Variants in GREB1L observed in about 807,000 individuals in gnomAD.
GREB1L encodes the protein GREB1-like protein.
GREB1L carries 17 observed loss-of-function variants against 200.8 expected under a neutral mutation model. The ratio of observed to expected loss-of-function variants is 0.08; its 90% confidence interval spans 0.06 to 0.13. The LOEUF is 0.13. Ranked by LOEUF, GREB1L falls within the 10% of genes least tolerant of loss-of-function variation. The probability of loss-of-function intolerance (pLI) is 1.00; values close to 1 mark genes in which losing one functional copy is unlikely to be tolerated. For synonymous variants in GREB1L, 789 were observed against 893.0 expected (o/e 0.88, Z 2.08); for missense variants, 1,657 against 2,367.7 (o/e 0.70, Z 6.23).
At chr18:21,436,734 AG>A (rs1233709118) in intron 7 of GREB1L, among the ~76,000 whole-genome samples, 2 of 147,504 alleles carry the variant, frequency 1.4e-5, no homozygotes, top group African/African-American at 5.1e-5. Flanking sequence ...TTTCTGAAAC[AG>A]GGTATCTCTC....
At chr18:21,379,287 A>T (rs1480342178) in intron 2 of GREB1L, among the ~76,000 whole-genome samples, 2 of 151,800 alleles carry the variant, frequency 1.3e-5, no homozygotes, top group South Asian at 2.1e-4. Flanking sequence ...GCTCACCACA[A>T]CCTCCGCCTC....
At chr18:21,318,961 A>G (rs1426656334) in intron 1 of GREB1L, among the ~76,000 whole-genome samples, 1 of 152,180 alleles carries the variant, frequency 6.6e-6, no homozygotes, top group Non-Finnish European at 1.5e-5. Context: ...ACTTCACCGC[A>G]TGGAGAGGTC....
chr18:21,371,995 T>C (rs1220853163), intron 2 of GREB1L, among the ~76,000 whole-genome samples: 1 of 152,136 alleles, frequency 6.6e-6, no homozygotes, highest in East Asian at 1.9e-4. Flanking sequence ...GTACAGGATT[T>C]GAATTAAGGT....
chr18:21,286,682 A>G (rs1345777752), intron 1 of GREB1L, among the ~76,000 whole-genome samples: 1 of 152,052 alleles, frequency 6.6e-6, no homozygotes, highest in African/African-American at 2.4e-5. Context: ...TATTATTATC[A>G]TTTGGGACAG....
intron 17 of GREB1L, among the ~76,000 whole-genome samples, chr18:21,484,333 C>T (rs2036043089): frequency 6.6e-6 from 1 of 151,826 alleles, no homozygotes; most frequent in Non-Finnish European, 1.5e-5. Context: ...CGCCACCACG[C>T]CTGGCTAATT....
At chr18:21,270,714 A>T (rs1196719272) in intron 1 of GREB1L, among the ~76,000 whole-genome samples, 1 of 152,256 alleles carries the variant, frequency 6.6e-6, no homozygotes, top group Non-Finnish European at 1.5e-5. Context: ...TAGTTTACTC[A>T]TCAGTAGTCC....
intron 7 of GREB1L, 52 bp downstream of exon 7, chr18:21,404,046 G>T (rs1174493023): frequency 6.7e-7 from 1 of 1,482,736 alleles, no homozygotes; most frequent in African/African-American, 1.4e-5. Context: ...TATTTAATGA[G>T]ACTTTTTAAA....
intron 1 of GREB1L, among the ~76,000 whole-genome samples, chr18:21,254,507 C>T (rs1274027949): frequency 2.0e-5 from 3 of 152,008 alleles, no homozygotes; most frequent in Admixed American, 6.6e-5. Flanking sequence ...CCTCCCTTAG[C>T]GTTTCCCAAA....
intron 1 of GREB1L, among the ~76,000 whole-genome samples, chr18:21,275,950 A>G (rs2038156214): frequency 6.6e-6 from 1 of 152,190 alleles, no homozygotes; most frequent in Non-Finnish European, 1.5e-5. Flanking sequence ...TCTTATATAA[A>G]GAAAAATCCA....
chr18:21,328,552 C>G (rs1347050072), intron 1 of GREB1L, among the ~76,000 whole-genome samples: 2 of 152,160 alleles, frequency 1.3e-5, no homozygotes, highest in Non-Finnish European at 2.9e-5. Flanking sequence ...GCTTGTTCTG[C>G]CTAACTTCTT....
chr18:21,396,613 T>C (rs2041077488), intron 5 of GREB1L, among the ~76,000 whole-genome samples: 1 of 152,186 alleles, frequency 6.6e-6, no homozygotes, highest in South Asian at 2.1e-4. Context: ...GATATTTCTA[T>C]CTATACTTGT....
intron 1 of GREB1L, among the ~76,000 whole-genome samples, chr18:21,358,966 G>C (rs1263423221): frequency 6.6e-6 from 1 of 152,142 alleles, no homozygotes; most frequent in African/African-American, 2.4e-5. Context: ...GGAATCTTAA[G>C]GTTTTCTATG....
intron 7 of GREB1L, among the ~76,000 whole-genome samples, chr18:21,423,146 A>T (rs1256215858): frequency 1.3e-5 from 2 of 152,076 alleles, no homozygotes; most frequent in Non-Finnish European, 2.9e-5. Context: ...GGCCGGGCTC[A>T]TCTCGAACTC....
chr18:21,289,269 G>A (rs914545599), intron 1 of GREB1L, among the ~76,000 whole-genome samples: 7 of 152,090 alleles, frequency 4.6e-5, no homozygotes, highest in Admixed American at 2.6e-4. Context: ...TGCTTTTTAG[G>A]CCAGGTGTGG....
At chr18:21,391,845 T>C (rs1407612881) in intron 4 of GREB1L, among the ~76,000 whole-genome samples, 2 of 152,358 alleles carry the variant, frequency 1.3e-5, no homozygotes, top group African/African-American at 4.8e-5. Context: ...GTTTCACTCT[T>C]GTTGCCCAGG....
rs1007938047 is a variant in GREB1L, at chr18:21,524,695, C to T, written c.*1874C>T. On this transcript the variant is annotated 3_prime_UTR_variant, in exon 33 of 33. Coordinates refer to ENST00000424526, the MANE Select transcript of GREB1L (RefSeq NM_001142966.3). ...CTCAGGGTTTCTTCTGGCTTTATGA[C>T]TTCATAGTTTAAAGAACTTTTTTTT... 1 of 152,050 alleles carries T rather than the reference C, an allele frequency of 6.6e-6. No individual in the cohort carries two copies. Among genetic ancestry groups the T allele is most frequent in the Admixed American group, 6.6e-5 (1 of 15,252 alleles). 9.4% of individuals were successfully genotyped at this position (152,050 alleles called of 1,614,324 possible).
chr18:21,335,439 G>T (rs1322538279), intron 1 of GREB1L, among the ~76,000 whole-genome samples: 1 of 152,106 alleles, frequency 6.6e-6, no homozygotes, highest in Non-Finnish European at 1.5e-5. Flanking sequence ...AAAACAAATG[G>T]TTTGTAAGAC....
rs544811446 is a variant in GREB1L at position 21,525,044 on chromosome 18, T to C, written c.*2223T>C. ...TATATATATCCTAGTGTGTTCAGCT[T>C]TAAGCTTTGCAATCCCTTAGGACAC... On this transcript the variant is annotated 3_prime_UTR_variant, in exon 33 of 33. Coordinates refer to ENST00000424526, the MANE Select transcript of GREB1L (RefSeq NM_001142966.3). 7.9e-6 allele frequency: 1 copy of C among 126,468 alleles called. No individual in the cohort carries two copies. Among genetic ancestry groups the C allele is most frequent in the South Asian group, 2.6e-4 (1 of 3,854 alleles). The allele number at this position is 126,468 out of a possible 1,614,324, so 7.8% of individuals were successfully genotyped here.
intron 1 of GREB1L, among the ~76,000 whole-genome samples, chr18:21,338,801 C>T (rs1208884401): frequency 6.6e-6 from 1 of 152,248 alleles, no homozygotes; most frequent in African/African-American, 2.4e-5. Context: ...TCAACAAAGA[C>T]TTTCCCAAGG....
Sources: gnomAD v4.1 joint callset for allele counts (sites outside exome capture counted in the v4.1 genomes callset) on GRCh38, gnomAD v4.1.1 for gene constraint, MANE v1.5 for transcripts, NCBI Gene and HGNC (gene_info 2026-07-23, HGNC 2026-07-21) for gene names.